The following FERMT2 variants were observed in gnomAD, a reference collection of about 807,000 sequenced individuals.
FERMT2 encodes the protein fermitin family homolog 2.
A neutral mutation model predicts 82.7 loss-of-function variants in FERMT2; 15 were observed. The observed-to-expected ratio is 0.18, with a 90% confidence interval of 0.12 to 0.28. FERMT2 has a LOEUF of 0.28. Among genes scored for constraint, FERMT2 ranks in the 10% least tolerant of loss-of-function variants. The pLI is 1.00. For missense variants in FERMT2, 645 were observed against 809.4 expected, an observed-to-expected ratio of 0.80 and a Z score of 2.46; for synonymous variants, 274 against 271.5, an observed-to-expected ratio of 1.01 and a Z score of -0.09.
At chr14:52,886,766 T>C (rs1278123925) in intron 4 of FERMT2, among the ~76,000 whole-genome samples, 1 of 152,200 alleles carries the variant, frequency 6.6e-6, no homozygotes, top group Non-Finnish European at 1.5e-5. Context: ...TACTGTCAAG[T>C]TGGACTCCAA....
chr14:52,934,659 T>G (rs755071505), intron 2 of FERMT2, among the ~76,000 whole-genome samples: 3 of 152,236 alleles, frequency 2.0e-5, no homozygotes, highest in Admixed American at 6.5e-5. Context: ...CTAAATTCCT[T>G]TGGCTGTATA....
Position 52,875,829 on chromosome 14 carries a change from G to A in FERMT2, c.964-472C>T, listed in dbSNP as rs1885921946. On this transcript the variant is annotated intron_variant, in intron 7 of 14. Transcript: ENST00000341590. ...GAAAGTCATCATTATTATGTCGAAA[G>A]CTAAAACTCCACTTTTTCCCCATCC... Among the ~76,000 whole-genome samples the A allele has an allele frequency of 3.9e-5, 6 of 152,186 alleles. 1 individual carries two copies. The South Asian group carries it at 1.2e-3, about 32-fold the overall frequency.
At position 52,881,791 on chromosome 14, in the gene FERMT2, CT is replaced by C. The variant is rs1328477430; in HGVS notation, c.527-323del. ...TTTTTGTCTTTAAATTGTGGCAAGG[CT>C]CACCTTTCAGAGGGCCAATGTAAAG... On this transcript the variant is annotated intron_variant, in intron 4 of 14. Transcript: ENST00000341590. 4 of 1,309,564 alleles carry C rather than the reference CT, an allele frequency of 3.1e-6. No individual in the cohort carries two copies. In the African/African-American group the frequency reaches 4.5e-5, roughly 15 times the overall value. The allele number at this position is 1,309,564 out of a possible 1,614,324, so 81.1% of individuals were successfully genotyped here.
intron 3 of FERMT2, among the ~76,000 whole-genome samples, chr14:52,905,023 C>G (rs1887916185): frequency 6.6e-6 from 1 of 151,696 alleles, no homozygotes; most frequent in Non-Finnish European, 1.5e-5. Context: ...AACCTCATCT[C>G]TACTAAAAAT....
intron 2 of FERMT2, among the ~76,000 whole-genome samples, chr14:52,941,309 AG>A (rs1890078975): frequency 6.6e-6 from 1 of 152,230 alleles, no homozygotes; most frequent in Non-Finnish European, 1.5e-5. Flanking sequence ...ACGGTTACAA[AG>A]GAAACTTTTG....
intron 2 of FERMT2, among the ~76,000 whole-genome samples, chr14:52,923,330 T>A (rs1958025): frequency 0.25 from 38,551 of 151,856 alleles, 5,357 homozygotes; most frequent in South Asian, 0.37. Context: ...TGTCTACTTC[T>A]GCACCACAAC....
chr14:52,880,682 G>A (rs1886241430), intron 6 of FERMT2, among the ~76,000 whole-genome samples: 1 of 152,042 alleles, frequency 6.6e-6, no homozygotes, highest in Admixed American at 6.6e-5. Context: ...CAGGCGTTGA[G>A]CCACTGCACC....
chr14:52,879,114 T>C (rs1002495300), intron 6 of FERMT2, among the ~76,000 whole-genome samples: 3 of 152,332 alleles, frequency 2.0e-5, no homozygotes, highest in Non-Finnish European at 2.9e-5. Context: ...GAAAGCAAAT[T>C]ATTCTGGGGA....
chr14:52,912,668 C>A (rs1040908761), intron 3 of FERMT2, among the ~76,000 whole-genome samples: 2 of 152,080 alleles, frequency 1.3e-5, no homozygotes, highest in Non-Finnish European at 2.9e-5. Context: ...TGCCACCATG[C>A]CCGGCTACTT....
intron 2 of FERMT2, among the ~76,000 whole-genome samples, chr14:52,947,617 A>G (rs1890420908): frequency 6.6e-6 from 1 of 152,250 alleles, no homozygotes; most frequent in Non-Finnish European, 1.5e-5. Context: ...CTAACTAAAC[A>G]CAAAGATATT....
chr14:52,867,893 C>T (rs1885382930), intron 10 of FERMT2, among the ~76,000 whole-genome samples: 1 of 152,170 alleles, frequency 6.6e-6, no homozygotes, highest in African/African-American at 2.4e-5. Context: ...ACCAAACTTC[C>T]TCAGTATCTA....
At chr14:52,897,044 A>ACACACACACC (rs1362663305) in intron 3 of FERMT2, among the ~76,000 whole-genome samples, 2 of 122,834 alleles carry the variant, frequency 1.6e-5, no homozygotes, top group Admixed American at 8.5e-5. Context: ...ACACACACAC[A>ACACACACACC]CACACCATGG....
chr14:52,880,400 C>CT (rs969773132), intron 6 of FERMT2, among the ~76,000 whole-genome samples: 3 of 151,872 alleles, frequency 2.0e-5, no homozygotes, highest in Non-Finnish European at 2.9e-5. Flanking sequence ...TTTGCCAATT[C>CT]TTTTTTTTGT....
chr14:52,937,580 T>A (rs1889901299), intron 2 of FERMT2, among the ~76,000 whole-genome samples: 1 of 152,200 alleles, frequency 6.6e-6, no homozygotes, highest in Non-Finnish European at 1.5e-5. Context: ...CTCAAAGTAA[T>A]TTTCTTGTTT....
chr14:52,883,911 A>C (rs930167958), intron 4 of FERMT2, among the ~76,000 whole-genome samples: 1 of 152,078 alleles, frequency 6.6e-6, no homozygotes, highest in Non-Finnish European at 1.5e-5. Context: ...CTTCCGCTGT[A>C]ATTGTAAGTT....
At chr14:52,863,915 C>T (rs1566716046) in intron 12 of FERMT2, among the ~76,000 whole-genome samples, 1 of 152,078 alleles carries the variant, frequency 6.6e-6, no homozygotes, top group African/African-American at 2.4e-5. Context: ...TGAAAGAACA[C>T]CATGTTAACA....
chr14:52,939,826 T>G (rs1890013543), intron 2 of FERMT2, among the ~76,000 whole-genome samples: 1 of 152,192 alleles, frequency 6.6e-6, no homozygotes, highest in Non-Finnish European at 1.5e-5. Flanking sequence ...TATTTTTAAT[T>G]TCAAAGGTTA....
chr14:52,946,353 C>T (rs1394135289), intron 2 of FERMT2, among the ~76,000 whole-genome samples: 2 of 150,034 alleles, frequency 1.3e-5, no homozygotes, highest in Non-Finnish European at 3.0e-5. Context: ...TGAAATTTGT[C>T]TTTGATTAAA....
chr14:52,881,163 CA>C (rs1886272254), intron 5 of FERMT2, 25 bp from the exon 6 acceptor site: 1 of 1,596,258 alleles, frequency 6.3e-7, no homozygotes. Flanking sequence ...AACAGTGGAA[CA>C]AAACAACACA....
Sources: allele counts gnomAD v4.1 joint callset (sites outside exome capture counted in the v4.1 genomes callset), GRCh38; gene constraint gnomAD v4.1.1; transcripts MANE v1.5; gene names NCBI Gene and HGNC (gene_info 2026-07-23, HGNC 2026-07-21).